Variants in SLC9A9 observed in about 807,000 individuals in gnomAD.
SLC9A9 encodes solute carrier family 9 member A9, also known as sodium/hydrogen exchanger 9.
Under a neutral mutation model 77.8 loss-of-function variants are expected in SLC9A9, and 62 were observed. The ratio of observed to expected loss-of-function variants is 0.80; its 90% CI spans 0.65 to 0.98. The LOEUF is 0.98. SLC9A9 is among the 50% of genes least tolerant of loss of function. SLC9A9 has a pLI of 0.00. For synonymous variants in SLC9A9, 320 were observed against 283.5 expected, an observed-to-expected ratio of 1.13 and a Z score of -1.29; for missense variants, 775 against 774.9, an observed-to-expected ratio of 1.00 and a Z score of 0.00.
At chr3:143,661,879 T>C (rs981624555) in intron 5 of SLC9A9, among the ~76,000 whole-genome samples, 1 of 152,108 alleles carries the variant, frequency 6.6e-6, no homozygotes, top group Non-Finnish European at 1.5e-5. Flanking sequence ...ACAACTCCTG[T>C]TGGAGTTGTT....
intron 12 of SLC9A9, among the ~76,000 whole-genome samples, chr3:143,459,182 A>T (rs1379835349): frequency 6.6e-6 from 1 of 151,944 alleles, no homozygotes; most frequent in African/African-American, 2.4e-5. Context: ...CATGGTTACA[A>T]TAGCTGCTTT....
At chr3:143,347,515 T>G (rs1341075839) in intron 14 of SLC9A9, among the ~76,000 whole-genome samples, 1 of 152,156 alleles carries the variant, frequency 6.6e-6, no homozygotes, top group Non-Finnish European at 1.5e-5. Context: ...AGATGGGAAC[T>G]ACATCTCTTT....
chr3:143,367,636 T>A (rs928801952), intron 13 of SLC9A9, among the ~76,000 whole-genome samples: 1 of 152,150 alleles, frequency 6.6e-6, no homozygotes, highest in African/African-American at 2.4e-5. Flanking sequence ...ACAGGGAAGG[T>A]ATCTGATGAG....
intron 2 of SLC9A9, among the ~76,000 whole-genome samples, chr3:143,820,909 T>TTA (rs2009150416): frequency 1.4e-5 from 2 of 144,032 alleles, no homozygotes; most frequent in African/African-American, 5.4e-5. Context: ...TTTGTCTTAT[T>TTA]TTTTTTTTTT....
chr3:143,604,931 G>A (rs761330591), intron 6 of SLC9A9, among the ~76,000 whole-genome samples: 5 of 152,114 alleles, frequency 3.3e-5, no homozygotes, highest in South Asian at 2.1e-4. Context: ...GGGCCCCTCC[G>A]GTTGAAACAA....
intron 2 of SLC9A9, among the ~76,000 whole-genome samples, chr3:143,805,543 G>C (rs2008687364): frequency 6.6e-6 from 1 of 152,102 alleles, no homozygotes; most frequent in African/African-American, 2.4e-5. Context: ...CGTCCAGATG[G>C]CCCGAAGCAA....
At chr3:143,344,175 A>G (rs2032191308) in intron 14 of SLC9A9, among the ~76,000 whole-genome samples, 3 of 152,168 alleles carry the variant, frequency 2.0e-5, no homozygotes, top group Admixed American at 2.0e-4. Context: ...GTGTATTGGC[A>G]GAGGAAGGCA....
chr3:143,706,938 A>C (rs1162082518), intron 4 of SLC9A9, among the ~76,000 whole-genome samples: 1 of 152,182 alleles, frequency 6.6e-6, no homozygotes, highest in African/African-American at 2.4e-5. Flanking sequence ...TAGAAGGGGA[A>C]AGCTGCCTCC....
intron 2 of SLC9A9, among the ~76,000 whole-genome samples, chr3:143,800,267 A>G (rs1245580200): frequency 6.6e-6 from 1 of 152,062 alleles, no homozygotes; most frequent in African/African-American, 2.4e-5. Flanking sequence ...ACCCTGCTCA[A>G]TGCCAATATC....
chr3:143,452,083 T>C (rs1408330277), intron 12 of SLC9A9, among the ~76,000 whole-genome samples: 1 of 152,138 alleles, frequency 6.6e-6, no homozygotes, highest in African/African-American at 2.4e-5. Flanking sequence ...AATCAGATGA[T>C]GATTATTGAT....
chr3:143,540,340 G>A (rs1477487322), intron 9 of SLC9A9, among the ~76,000 whole-genome samples: 1 of 152,182 alleles, frequency 6.6e-6, no homozygotes, highest in Non-Finnish European at 1.5e-5. Flanking sequence ...GATAGATGAT[G>A]AGACAGCACC....
chr3:143,389,923 G>T (rs1158072145), intron 12 of SLC9A9, among the ~76,000 whole-genome samples: 4 of 152,304 alleles, frequency 2.6e-5, no homozygotes, highest in Middle Eastern at 3.4e-3. Context: ...TATGTAATAT[G>T]ATTGTAAGCC....
At chr3:143,519,129 T>C (rs916553405) in intron 9 of SLC9A9, among the ~76,000 whole-genome samples, 1 of 152,124 alleles carries the variant, frequency 6.6e-6, no homozygotes, top group African/African-American at 2.4e-5. Flanking sequence ...GAACATAAAT[T>C]ATGAGGAAGA....
intron 8 of SLC9A9, among the ~76,000 whole-genome samples, chr3:143,561,567 G>T (rs1016724119): frequency 6.6e-6 from 1 of 152,138 alleles, no homozygotes; most frequent in Non-Finnish European, 1.5e-5. Context: ...CTTGGGCCTC[G>T]ATGCTTCCCA....
intron 8 of SLC9A9, among the ~76,000 whole-genome samples, chr3:143,560,320 G>T (rs571055328): frequency 6.6e-6 from 1 of 152,248 alleles, no homozygotes; most frequent in South Asian, 2.1e-4. Flanking sequence ...GCTAAGAGTT[G>T]GCTCTGACCT....
chr3:143,701,083 C>T (rs1045270953), intron 4 of SLC9A9, among the ~76,000 whole-genome samples: 3 of 152,248 alleles, frequency 2.0e-5, no homozygotes, highest in African/African-American at 4.8e-5. Context: ...TCTGCAAGAA[C>T]CACAATGTTA....
intron 8 of SLC9A9, among the ~76,000 whole-genome samples, chr3:143,560,281 G>T (rs147502103): frequency 6.6e-6 from 1 of 152,082 alleles, no homozygotes; most frequent in Non-Finnish European, 1.5e-5. Context: ...TCTCCCTAAC[G>T]GTCTGGGTCT....
In SLC9A9 at chr3:143,824,621, C is replaced by G. The variant is rs925715914; in HGVS notation, c.378+7398G>C. Among the ~76,000 whole-genome samples the G allele has an allele frequency of 3.3e-5, 5 of 152,294 alleles. No individual in the cohort carries two copies. The South Asian group carries it at 8.3e-4, about 25-fold the overall frequency. ...AAGTTAAACCCCATGAGCACAAGGA[C>G]TTCGTTTTGTTCACTACCATACTTG... On this transcript the variant is annotated intron_variant, in intron 2 of 15. Transcript: ENST00000316549.
intron 4 of SLC9A9, among the ~76,000 whole-genome samples, chr3:143,704,487 T>A (rs6782658): frequency 3.3e-5 from 5 of 152,036 alleles, no homozygotes; most frequent in African/African-American, 7.2e-5. Flanking sequence ...TCATTTCAAT[T>A]GATGACAAAA....
Sources: allele counts gnomAD v4.1 joint callset (sites outside exome capture counted in the v4.1 genomes callset), GRCh38; gene constraint gnomAD v4.1.1; transcripts MANE v1.5; gene names NCBI Gene and HGNC (gene_info 2026-07-23, HGNC 2026-07-21).